The following SKAP2 variants were observed in gnomAD, a reference collection of about 807,000 sequenced individuals.
The protein encoded by SKAP2 is src kinase-associated phosphoprotein 2.
SKAP2 carries 28 observed loss-of-function variants against 54.9 expected under a neutral mutation model. That is an observed-to-expected ratio of 0.51 (90% CI 0.38 to 0.70). SKAP2 has a LOEUF of 0.70. SKAP2 is among the 30% of genes least tolerant of loss of function. The pLI is 0.00. For missense variants in SKAP2, 356 were observed against 424.1 expected (o/e 0.84, Z 1.41); for synonymous variants, 137 against 134.3 (o/e 1.02, Z -0.14).
At position 26,758,532 on chromosome 7, in the gene SKAP2, T is replaced by C. The variant is rs1375327309; in HGVS notation, c.308-18568A>G. ...AAGTCTCATGTACCCACACAAGTTT[T>C]CACTCTGCTTGAAATGTGCTATTCC... On this transcript the variant is annotated intron_variant, in intron 4 of 12. Transcript: ENST00000345317. 2.0e-5 allele frequency among the ~76,000 whole-genome samples: 3 copies of C among 152,310 alleles called. No individual in the cohort carries two copies. The East Asian group carries it at 5.8e-4, about 29-fold the overall frequency.
chr7:26,710,875 G>A (rs1190270263), intron 9 of SKAP2, among the ~76,000 whole-genome samples: 1 of 152,128 alleles, frequency 6.6e-6, no homozygotes, highest in East Asian at 1.9e-4. Context: ...CTCAGCATCA[G>A]ATGAGATGTT....
At chr7:26,836,167 C>A (rs1311048255) in intron 4 of SKAP2, among the ~76,000 whole-genome samples, 1 of 152,194 alleles carries the variant, frequency 6.6e-6, no homozygotes, top group Non-Finnish European at 1.5e-5. Context: ...TGGACCCCTT[C>A]CTTACATCTT....
chr7:26,706,180 T>A (rs1457153742), intron 9 of SKAP2, among the ~76,000 whole-genome samples: 1 of 152,146 alleles, frequency 6.6e-6, no homozygotes, highest in Non-Finnish European at 1.5e-5. Flanking sequence ...TATCCATGAC[T>A]CTCTAACACA....
chr7:26,760,506 C>A (rs1314463904), intron 4 of SKAP2, among the ~76,000 whole-genome samples: 1 of 152,032 alleles, frequency 6.6e-6, no homozygotes, highest in African/African-American at 2.4e-5. Flanking sequence ...TTTTCCCATA[C>A]AAATACACCT....
chr7:26,808,477 TG>T (rs1784073231), intron 4 of SKAP2, among the ~76,000 whole-genome samples: 1 of 151,956 alleles, frequency 6.6e-6, no homozygotes, highest in Non-Finnish European at 1.5e-5. Context: ...GGTGGGTGAA[TG>T]GGGAGTTACT....
chr7:26,753,313 A>G (rs1782724773), intron 4 of SKAP2, among the ~76,000 whole-genome samples: 1 of 152,194 alleles, frequency 6.6e-6, no homozygotes, highest in Non-Finnish European at 1.5e-5. Flanking sequence ...TTGAGTGCAC[A>G]TGGAAATCAC....
intron 4 of SKAP2, among the ~76,000 whole-genome samples, chr7:26,805,590 A>C (rs1562617814): frequency 6.6e-6 from 1 of 152,010 alleles, no homozygotes; most frequent in Non-Finnish European, 1.5e-5. Context: ...CAGTGGAAAA[A>C]CTCATGTGAA....
At chr7:26,830,245 A>T (rs893255566) in intron 4 of SKAP2, among the ~76,000 whole-genome samples, 2 of 152,148 alleles carry the variant, frequency 1.3e-5, no homozygotes, top group Non-Finnish European at 2.9e-5. Flanking sequence ...GATGGAGGAG[A>T]AGGGTTAGGA....
chr7:26,727,082 C>T (rs534567517), intron 6 of SKAP2, 76 bp from the exon 7 acceptor site: 1 of 1,234,334 alleles, frequency 8.1e-7, no homozygotes, highest in Non-Finnish European at 1.1e-6. Flanking sequence ...AAAATTTCTT[C>T]ATCAATTCTT....
At chr7:26,758,327 C>T (rs1050733235) in intron 4 of SKAP2, among the ~76,000 whole-genome samples, 2 of 151,910 alleles carry the variant, frequency 1.3e-5, no homozygotes, top group African/African-American at 4.8e-5. Flanking sequence ...TAATTTAAGT[C>T]GATTTATATT....
At chr7:26,823,116 C>T (rs1784414631) in intron 4 of SKAP2, among the ~76,000 whole-genome samples, 1 of 151,796 alleles carries the variant, frequency 6.6e-6, no homozygotes, top group Non-Finnish European at 1.5e-5. Context: ...CCAGTGAACA[C>T]ACAAATGATA....
intron 4 of SKAP2, among the ~76,000 whole-genome samples, chr7:26,780,117 A>T (rs1783395880): frequency 6.6e-6 from 1 of 152,108 alleles, no homozygotes; most frequent in South Asian, 2.1e-4. Context: ...TTCATCCCTG[A>T]CTGACTTTGG....
intron 3 of SKAP2, among the ~76,000 whole-genome samples, chr7:26,847,712 G>A (rs1193946175): frequency 6.6e-6 from 1 of 152,134 alleles, no homozygotes; most frequent in South Asian, 2.1e-4. Flanking sequence ...AATGTCAGTG[G>A]TGCTGTGAGC....
chr7:26,777,476 T>A (rs1196080712), intron 4 of SKAP2, among the ~76,000 whole-genome samples: 1 of 152,176 alleles, frequency 6.6e-6, no homozygotes, highest in Non-Finnish European at 1.5e-5. Context: ...ATGTGTAGGA[T>A]CCTCAATTAT....
chr7:26,707,263 G>C (rs1787182107), intron 9 of SKAP2, among the ~76,000 whole-genome samples: 1 of 152,016 alleles, frequency 6.6e-6, no homozygotes, highest in South Asian at 2.1e-4. Flanking sequence ...GGTAGGCTTA[G>C]GTGGGAGGAC....
chr7:26,769,431 AC>A (rs1227590130), intron 4 of SKAP2, among the ~76,000 whole-genome samples: 6 of 151,936 alleles, frequency 3.9e-5, no homozygotes, highest in African/African-American at 1.5e-4. Context: ...GTTTGTTATT[AC>A]CCACCTTCTG....
At chr7:26,704,789 A>T (rs1787121904) in intron 9 of SKAP2, among the ~76,000 whole-genome samples, 2 of 152,218 alleles carry the variant, frequency 1.3e-5, no homozygotes, top group African/African-American at 4.8e-5. Context: ...CTTGCAAAAT[A>T]GCATTTGCTG....
At position 26,840,398 on chromosome 7, in the gene SKAP2, T is replaced by C. The variant is rs575741857; in HGVS notation, c.307+3632A>G. On this transcript the variant is annotated intron_variant, in intron 4 of 12. Coordinates refer to ENST00000345317, the MANE Select transcript of SKAP2 (RefSeq NM_003930.5). ...CTTAGAGACTTTCCATAGTGCTATATAGTTAGAAGCTTTCTTTCACAAATG... is the reference window on the plus strand; with the variant it reads ...CTTAGAGACTTTCCATAGTGCTATACAGTTAGAAGCTTTCTTTCACAAATG... Among the ~76,000 whole-genome samples, 7 of 152,230 alleles carry C rather than the reference T, an allele frequency of 4.6e-5. 1 individual carries two copies. In the South Asian group the frequency reaches 1.4e-3, roughly 32 times the overall value.
chr7:26,797,207 A>G (rs1387182717), intron 4 of SKAP2, among the ~76,000 whole-genome samples: 2 of 152,210 alleles, frequency 1.3e-5, no homozygotes, highest in African/African-American at 4.8e-5. Context: ...GCCTCGAGCT[A>G]AAATAGGCAG....
Sources: gnomAD v4.1 joint callset for allele counts (sites outside exome capture counted in the v4.1 genomes callset) on GRCh38, gnomAD v4.1.1 for gene constraint, MANE v1.5 for transcripts, NCBI Gene and HGNC (gene_info 2026-07-23, HGNC 2026-07-21) for gene names.